LTBP1: variants seen among roughly 807,000 people sequenced by gnomAD.
LTBP1 encodes latent-transforming growth factor beta-binding protein 1.
A neutral mutation model predicts 207.6 loss-of-function variants in LTBP1; 129 were observed. The ratio of observed to expected loss-of-function variants is 0.62; its 90% confidence interval spans 0.54 to 0.72. LTBP1 has a LOEUF of 0.72. LTBP1 is among the 30% of genes least tolerant of loss of function. The pLI, the probability that LTBP1 is intolerant of heterozygous loss-of-function variation, is 0.00. For synonymous variants in LTBP1, 963 were observed against 833.7 expected, an observed-to-expected ratio of 1.16 and a Z score of -2.67; for missense variants, 2,281 against 2,217.2, an observed-to-expected ratio of 1.03 and a Z score of -0.58.
At chr2:33,056,222 C>T (rs1009306250) in intron 3 of LTBP1, 91 of 343,696 alleles carry the variant, frequency 2.6e-4, no homozygotes, top group South Asian at 2.5e-4. Context: ...GTTTGTGGGT[C>T]GAATTGGTCC....
rs1445108044 is a variant in LTBP1, at chr2:33,087,348, A to G, written c.864-23234A>G. Among the ~76,000 whole-genome samples, 9 of 152,130 alleles carry G rather than the reference A, an allele frequency of 5.9e-5. No individual in the cohort carries two copies. The South Asian group carries it at 1.0e-3, about 18-fold the overall frequency. Reference sequence around the variant, plus strand: ...CTCCCAAAGTGTTGGGATTACAGGCATGAGTCACTGCACCTAGCCTCACTT... The same window carrying G: ...CTCCCAAAGTGTTGGGATTACAGGCGTGAGTCACTGCACCTAGCCTCACTT... On this transcript the variant is annotated intron_variant, in intron 3 of 33. Coordinates refer to ENST00000404816, the MANE Select transcript of LTBP1 (RefSeq NM_206943.4).
In LTBP1 at chr2:33,134,768, T is replaced by C; in HGVS notation, c.1034-25T>C. On this transcript the variant is annotated intron_variant, in intron 4 of 33. Coordinates refer to ENST00000404816, the MANE Select transcript of LTBP1 (RefSeq NM_206943.4). This position sits in a 1 kb window ranked among gnomAD's most constrained non-coding sequence, Gnocchi z 4.4. ...TACTAAGCTGATGTGTTTGTTGTTC[T>C]TTTTCTCCCTGCCTCCGCTCCTAGT... is the stretch of plus-strand genomic sequence containing the variant. 1 of 1,614,124 alleles carries C rather than the reference T, an allele frequency of 6.2e-7. No individual in the cohort carries two copies. The highest frequency in any genetic ancestry group is 8.5e-7 in the Non-Finnish European group (1 of 1,180,008).
At chr2:33,024,965 TG>T (rs2075346200) in intron 3 of LTBP1, among the ~76,000 whole-genome samples, 1 of 152,364 alleles carries the variant, frequency 6.6e-6, no homozygotes, top group African/African-American at 2.4e-5. Flanking sequence ...CTCACTTTCA[TG>T]GCTGTTGGCA....
chr2:33,054,828 G>T (rs368957038), intron 3 of LTBP1, among the ~76,000 whole-genome samples: 2 of 152,306 alleles, frequency 1.3e-5, no homozygotes, highest in African/African-American at 4.8e-5. Context: ...GGCACCCTCA[G>T]TCCTGTTGTT....
chr2:33,268,112 T>C (rs939651121), intron 15 of LTBP1, among the ~76,000 whole-genome samples: 1 of 152,192 alleles, frequency 6.6e-6, no homozygotes, highest in African/African-American at 2.4e-5. Context: ...GTCTTTGAAA[T>C]GAAGTGGTTT....
intron 9 of LTBP1, among the ~76,000 whole-genome samples, chr2:33,229,476 AAAAG>A (rs1381196630): frequency 1.3e-5 from 2 of 152,172 alleles, no homozygotes. Context: ...CCTGTCTCTA[AAAAG>A]AAAGAAGGAA....
At chr2:33,182,701 C>CATATATATATAT (rs1558769812) in intron 5 of LTBP1, among the ~76,000 whole-genome samples, 6 of 42,648 alleles carry the variant, frequency 1.4e-4, no homozygotes, top group African/African-American at 5.6e-4. Flanking sequence ...TATATATATA[C>CATATATATATAT]ACACACACAC....
At chr2:33,009,452 C>A (rs950891169) in intron 2 of LTBP1, among the ~76,000 whole-genome samples, 2 of 152,194 alleles carry the variant, frequency 1.3e-5, no homozygotes, top group East Asian at 1.9e-4. Context: ...GTATGTGTGA[C>A]GTAATCCAGT....
At chr2:33,327,423 CA>C (rs1276108872) in intron 24 of LTBP1, among the ~76,000 whole-genome samples, 2 of 152,016 alleles carry the variant, frequency 1.3e-5, no homozygotes, top group African/African-American at 4.8e-5. Context: ...TCACCTTCTA[CA>C]AGACTAAAGA....
chr2:33,053,470 G>C (rs1035588408), intron 3 of LTBP1, among the ~76,000 whole-genome samples: 1 of 151,746 alleles, frequency 6.6e-6, no homozygotes, highest in African/African-American at 2.4e-5. Flanking sequence ...TTATTGAAAG[G>C]TGACAGCGTG....
chr2:33,323,641 C>CAAAG (rs1487166906), intron 24 of LTBP1, among the ~76,000 whole-genome samples: 2 of 151,542 alleles, frequency 1.3e-5, no homozygotes, highest in Non-Finnish European at 2.9e-5. Context: ...AACAAACAAA[C>CAAAG]AAACAAAAAA....
intron 31 of LTBP1, among the ~76,000 whole-genome samples, chr2:33,383,710 A>G (rs543320243): frequency 6.6e-6 from 1 of 151,924 alleles, no homozygotes; most frequent in Non-Finnish European, 1.5e-5. Context: ...ATTTTTGAAT[A>G]TTTTTTTGTG....
chr2:33,150,782 C>T lies in LTBP1; in HGVS notation c.1201+15822C>T, dbSNP rs558644013. 3.1e-5 allele frequency among the ~76,000 whole-genome samples: 4 copies of T among 128,214 alleles called. No individual in the cohort carries two copies. The South Asian group carries it at 1.0e-3, about 33-fold the overall frequency. 84.1% of individuals were successfully genotyped at this position (128,214 alleles called of 152,430 possible). On this transcript the variant is annotated intron_variant, in intron 5 of 33. Coordinates refer to ENST00000404816, the MANE Select transcript of LTBP1 (RefSeq NM_206943.4). ...TGCCCAGGCTGGAGTGCAGTGGCAA[C>T]CTCCACCTGGGAGGCGGAGGTTGGC...
intron 20 of LTBP1, among the ~76,000 whole-genome samples, chr2:33,295,094 C>T (rs1014378716): frequency 4.0e-5 from 6 of 151,852 alleles, no homozygotes; most frequent in East Asian, 1.9e-4. Flanking sequence ...TTCCCTTTAG[C>T]GATTCTCTGA....
intron 2 of LTBP1, among the ~76,000 whole-genome samples, chr2:32,987,213 A>G (rs1394755373): frequency 6.6e-6 from 1 of 152,200 alleles, no homozygotes; most frequent in Non-Finnish European, 1.5e-5. Context: ...TGGGGTGGGT[A>G]TAGTTGCAGA....
chr2:33,332,425 T>C (rs1003924064), intron 24 of LTBP1, among the ~76,000 whole-genome samples: 2 of 148,148 alleles, frequency 1.3e-5, no homozygotes, highest in African/African-American at 5.0e-5. Context: ...GACACTCTCA[T>C]TATAGAAAAT....
intron 2 of LTBP1, among the ~76,000 whole-genome samples, chr2:32,972,487 G>A (rs529474963): frequency 7.9e-4 from 120 of 152,094 alleles, no homozygotes; most frequent in African/African-American, 2.8e-3. Context: ...ATTCTGGTAT[G>A]TTGTATTAAT....
intron 3 of LTBP1, among the ~76,000 whole-genome samples, chr2:33,092,515 C>T (rs2079158779): frequency 6.6e-6 from 1 of 152,200 alleles, no homozygotes; most frequent in Admixed American, 6.5e-5. Flanking sequence ...ATTAAGCCTT[C>T]TGGGTTATTC....
intron 2 of LTBP1, among the ~76,000 whole-genome samples, chr2:33,015,048 A>G (rs914869834): frequency 2.0e-5 from 3 of 151,704 alleles, no homozygotes; most frequent in Non-Finnish European, 2.9e-5. Context: ...GCTGGACTCA[A>G]TCTCCTAAGT....
Sources: gnomAD v4.1 joint callset for allele counts (sites outside exome capture counted in the v4.1 genomes callset) on GRCh38, gnomAD v4.1.1 for gene constraint, Gnocchi (gnomAD v3.1) non-coding constraint, MANE v1.5 for transcripts, NCBI Gene and HGNC (gene_info 2026-07-23, HGNC 2026-07-21) for gene names.